The following RPS6KL1 variants were observed in gnomAD, a reference collection of about 807,000 sequenced individuals.
RPS6KL1 encodes the protein ribosomal protein S6 kinase like 1, also known as ribosomal protein S6 kinase-like 1.
Under a neutral mutation model 57.0 loss-of-function variants are expected in RPS6KL1, and 41 were observed. The observed-to-expected ratio is 0.72, with a 90% CI of 0.56 to 0.93. RPS6KL1 has a LOEUF of 0.93. Ranked by LOEUF, RPS6KL1 falls within the 40% of genes least tolerant of loss-of-function variation. RPS6KL1 has a pLI of 0.00. For missense variants in RPS6KL1, 697 were observed against 727.7 expected (o/e 0.96, Z 0.49); for synonymous variants, 287 against 309.7 (o/e 0.93, Z 0.77).
In RPS6KL1 at chr14:74,910,933, G is replaced by A. The variant is rs184366720; in HGVS notation, c.664+315C>T. The A allele has an allele frequency of 1.7e-3, 530 of 313,198 alleles. 1 individual carries two copies. Among genetic ancestry groups the A allele is most frequent in the African/African-American group, 0.011 (482 of 45,792 alleles). 19.4% of individuals were successfully genotyped at this position (313,198 alleles called of 1,614,324 possible). ...GCTGCCCAGGCTAGAGTGCAGTGGC[G>A]TGATCTTGGCTCACTGCAACCTCCA... On this transcript the variant is annotated intron_variant, in intron 7 of 11. Coordinates refer to ENST00000557413, the MANE Select transcript of RPS6KL1 (RefSeq NM_031464.5).
rs1884975524 is a variant in RPS6KL1, at chr14:74,906,895, G to A, written c.*119C>T. 3 of 835,220 alleles carry A rather than the reference G, an allele frequency of 3.6e-6. No homozygotes were observed. The highest frequency in any genetic ancestry group is 1.7e-5 in the African/African-American group (1 of 59,804). The allele number at this position is 835,220 out of a possible 1,614,324, so 51.7% of individuals were successfully genotyped here. On this transcript the variant is annotated 3_prime_UTR_variant, in exon 12 of 12. Coordinates refer to ENST00000557413, the MANE Select transcript of RPS6KL1 (RefSeq NM_031464.5). ...CAGTGGGAGCCCAGCAGGACAGACA[G>A]TGCCCTCCATTCCTCGCCCAAAGCC...
chr14:74,909,795 C>A lies in RPS6KL1; in HGVS notation c.1018G>T (p.Gly340Trp), dbSNP rs748154618. Residue 340 changes from glycine (G) to tryptophan (W), a missense_variant, in exon 8 of 12, where the codon GGG (glycine) becomes TGG (tryptophan). Coordinates refer to ENST00000557413, the MANE Select transcript of RPS6KL1 (RefSeq NM_031464.5). Reference protein sequence around the residue: ...ARRAGQNSDAGPPRGLTWVPE... With the variant: ...ARRAGQNSDAWPPRGLTWVPE... ...ACCCAAGTGAGCCCCCGAGGGGGCC[C>A]AGCGTCTGAGTTCTGGCCAGCCCTC... is the stretch of plus-strand genomic sequence containing the variant. 7 of 1,606,160 alleles carry A rather than the reference C, an allele frequency of 4.4e-6. No homozygotes were observed. The East Asian group carries it at 1.6e-4, about 36-fold the overall frequency.
chr14:74,914,920 C>T (rs1381382712), intron 5 of RPS6KL1, among the ~76,000 whole-genome samples: 1 of 152,238 alleles, frequency 6.6e-6, no homozygotes, highest in Non-Finnish European at 1.5e-5. Flanking sequence ...CCATGTTGGT[C>T]AGGCTGGTCT....
chr14:74,907,839 A>G (rs931364304), intron 10 of RPS6KL1, among the ~76,000 whole-genome samples: 2 of 152,210 alleles, frequency 1.3e-5, no homozygotes, highest in Admixed American at 1.3e-4. Flanking sequence ...TCTTGGGAAT[A>G]GTGATGGAAC....
In RPS6KL1 at chr14:74,919,911, C is replaced by T. The variant is rs1285745879; in HGVS notation, c.324G>A (p.Arg108=). ...AVKLKITKYL[R]RAEEIFNCHL... is the part of the protein sequence containing the mutation. The stretch of plus-strand genomic sequence containing the variant: ...GGCAGTTGAAGATCTCCTCTGCCCG[C>T]CGCAGGTATTTGGTAATTTTCAGCT... The change falls in exon 4 of 12, where the codon CGG becomes CGA. Residue 108 remains arginine (R), a synonymous_variant. Coordinates refer to ENST00000557413, the MANE Select transcript of RPS6KL1 (RefSeq NM_031464.5). 5 of 1,614,184 alleles carry T rather than the reference C, an allele frequency of 3.1e-6. No homozygotes were observed. In the South Asian group the frequency reaches 4.4e-5, roughly 14 times the overall value.
At position 74,921,388 on chromosome 14, in the gene RPS6KL1, C is replaced by A. The variant is rs1314507179; in HGVS notation, c.154G>T (p.Asp52Tyr). ...GCCAGCCGGATCTGCGTGGCCGCAT[C>A]CACCAGATAGTCACGTTTTGTCATG... is the stretch of plus-strand genomic sequence containing the variant. The part of the protein sequence containing the change: ...PDMTKRDYLV[D>Y]AATQIRLALE... The change falls in exon 3 of 12, where the codon GAT (aspartate) becomes TAT (tyrosine). Residue 52 changes from aspartate to tyrosine, a missense_variant. Coordinates refer to ENST00000557413, the MANE Select transcript of RPS6KL1 (RefSeq NM_031464.5). The A allele has an allele frequency of 1.9e-6, 3 of 1,614,274 alleles. No individual in the cohort carries two copies. The South Asian group carries it at 3.3e-5, about 18-fold the overall frequency.
At chr14:74,908,980 C>T (rs368225875) in intron 9 of RPS6KL1, 48 bp from the exon 10 acceptor site, 108 of 1,578,734 alleles carry the variant, frequency 6.8e-5, no homozygotes, top group Non-Finnish European at 8.8e-5. Flanking sequence ...AAGAGGGCCT[C>T]TTCCATTCTC....
intron 11 of RPS6KL1, 67 bp from the exon 12 acceptor site, chr14:74,907,191 T>G (rs1885044023): frequency 1.4e-6 from 2 of 1,422,282 alleles, no homozygotes; most frequent in South Asian, 2.6e-5. Flanking sequence ...CTCCAGGGAC[T>G]CCAACCACTA....
Position 74,909,562 on chromosome 14 carries a change from G to A in RPS6KL1, c.1251C>T (p.Asn417=), listed in dbSNP as rs752409276. 6.2e-7 allele frequency: 1 copy of A among 1,605,090 alleles called. No homozygotes were observed. The highest frequency in any genetic ancestry group is 8.5e-7 in the Non-Finnish European group (1 of 1,175,422). Residue 417 remains asparagine, a synonymous_variant, in exon 8 of 12, where the codon AAC becomes AAT. Transcript: ENST00000557413. ...GVLCRDLHPG[N]LLLDQAGHIR... is the part of the protein sequence containing the mutation. ...ACCTACCTGCCTGGTCCAGGAGCAG[G>A]TTCCCGGGGTGGAGGTCCCGGCACA... is the stretch of plus-strand genomic sequence containing the variant.
At position 74,921,493 on chromosome 14, in the gene RPS6KL1, C is replaced by G. The variant is rs767132530; in HGVS notation, c.49G>C (p.Glu17Gln). The change falls in exon 3 of 12, where the codon GAG (glutamate) becomes CAG (glutamine). Residue 17 changes from glutamate to glutamine, a missense_variant. Transcript: ENST00000557413. ...TGGGACCGTGCTCGTGAGCAAGGCT[C>G]AGGCTCCAGGCCGGGGCTGGGCAGG... ...ECLPSPGLEP[E>Q]PCSRARSQAH... 3.7e-6 allele frequency: 6 copies of G among 1,614,108 alleles called. No homozygotes were observed. Among genetic ancestry groups the G allele is most frequent in the Admixed American group, 1.7e-5 (1 of 59,972 alleles).
At chr14:74,921,238 T>TCCCCCCCCCCCCCCCCCCCCCCC in intron 3 of RPS6KL1, 39 bp downstream of exon 3, 3 of 840,066 alleles carry the variant, frequency 3.6e-6, no homozygotes, top group Admixed American at 1.8e-5. Flanking sequence ...CACTGGCCCT[T>TCCCCCCCCCCCCCCCCCCCCCCC]CCCCACCCAC....
At chr14:74,908,780 T>G in intron 10 of RPS6KL1, 70 bp downstream of exon 10, 1 of 1,381,496 alleles carries the variant, frequency 7.2e-7, no homozygotes, top group Non-Finnish European at 1.0e-6. Flanking sequence ...ACTGGCTGGA[T>G]GGACTAAGCC....
intron 6 of RPS6KL1, 82 bp downstream of exon 6, chr14:74,911,712 G>T: frequency 7.6e-7 from 1 of 1,307,784 alleles, no homozygotes; most frequent in Non-Finnish European, 1.1e-6. Flanking sequence ...GGCTTCAAAT[G>T]CAGGTTCTGG....
chr14:74,909,197 T>C lies in RPS6KL1; in HGVS notation c.1271-7A>G. On this transcript the variant is annotated splice_region_variant and splice_polypyrimidine_tract_variant and intron_variant, in intron 8 of 11. Coordinates refer to ENST00000557413, the MANE Select transcript of RPS6KL1 (RefSeq NM_031464.5). ...TATGTGAGCCGGATGTGACCTCCAG[T>C]GTGTGGGAGGAAAAAGGAGGGGACA... is the stretch of plus-strand genomic sequence containing the variant. 1 of 1,613,392 alleles carries C rather than the reference T, an allele frequency of 6.2e-7. No individual in the cohort carries two copies. The highest frequency in any genetic ancestry group is 8.5e-7 in the Non-Finnish European group (1 of 1,179,488).
intron 4 of RPS6KL1, among the ~76,000 whole-genome samples, chr14:74,919,081 A>G (rs1887348192): frequency 6.6e-6 from 1 of 152,262 alleles, no homozygotes; most frequent in African/African-American, 2.4e-5. Context: ...AGGCTGAGGC[A>G]GGAGAATCGC....
chr14:74,907,586 C>A, intron 10 of RPS6KL1, 56 bp from the exon 11 acceptor site: 1 of 1,474,430 alleles, frequency 6.8e-7, no homozygotes, highest in Non-Finnish European at 9.1e-7. Context: ...CGTCTACACT[C>A]CAGTGGCAGC....
rs1484422728 is a variant in RPS6KL1, at chr14:74,918,673, C to T, written c.391-68G>A. Reference sequence around the variant, plus strand: ...GCCCTCCTTGGCCATGGCCTTCTCACCAGGCATCAGGCAGGGGCTTCTGGA... The same window carrying T: ...GCCCTCCTTGGCCATGGCCTTCTCATCAGGCATCAGGCAGGGGCTTCTGGA... On this transcript the variant is annotated intron_variant, in intron 4 of 11. Coordinates refer to ENST00000557413, the MANE Select transcript of RPS6KL1 (RefSeq NM_031464.5). 4 of 1,243,544 alleles carry T rather than the reference C, an allele frequency of 3.2e-6. No homozygotes were observed. The African/African-American group carries it at 6.0e-5, about 19-fold the overall frequency. The allele number at this position is 1,243,544 out of a possible 1,614,324, so 77.0% of individuals were successfully genotyped here.
Position 74,906,609 on chromosome 14 carries a change from C to G in RPS6KL1, c.*405G>C, listed in dbSNP as rs1007108205. On this transcript the variant is annotated 3_prime_UTR_variant, in exon 12 of 12. Transcript: ENST00000557413. Reference sequence around the variant, plus strand: ...AGTGGATCAGTGTCCTGAGATGAGTCTCCAGAGATGTCCTGAGTGGGGCAC... The same window carrying G: ...AGTGGATCAGTGTCCTGAGATGAGTGTCCAGAGATGTCCTGAGTGGGGCAC... The G allele has an allele frequency of 7.5e-6, 4 of 531,966 alleles. No individual in the cohort carries two copies. The highest frequency in any genetic ancestry group is 5.7e-5 in the South Asian group (4 of 69,672). The allele number at this position is 531,966 out of a possible 1,614,324, so 33.0% of individuals were successfully genotyped here. A position where few individuals can be genotyped will look rare whatever the true frequency, so the allele number is the denominator to read the frequency against.
chr14:74,920,052 C>CT, intron 3 of RPS6KL1, 83 bp from the exon 4 acceptor site: 1 of 1,555,428 alleles, frequency 6.4e-7, no homozygotes, highest in Non-Finnish European at 8.8e-7. Flanking sequence ...GCCCTCTACC[C>CT]TCCCAAGGAG....
Sources: gnomAD v4.1 joint callset for allele counts (sites outside exome capture counted in the v4.1 genomes callset) on GRCh38, gnomAD v4.1.1 for gene constraint, MANE v1.5 for transcripts, NCBI Gene and HGNC (gene_info 2026-07-23, HGNC 2026-07-21) for gene names.